The following ROR1 variants were observed in gnomAD, a reference collection of about 807,000 sequenced individuals.
ROR1 encodes ROR family WNT receptor 1, also known as inactive tyrosine-protein kinase transmembrane receptor ROR1.
Under a neutral mutation model 78.8 loss-of-function variants are expected in ROR1, and 19 were observed. The ratio of observed to expected loss-of-function variants is 0.24; its 90% CI spans 0.17 to 0.35. The LOEUF (loss-of-function observed/expected upper bound fraction) is 0.35, where lower values mean the gene tolerates loss of function less well. Ranked by LOEUF, ROR1 falls within the 10% of genes least tolerant of loss-of-function variation. The probability of loss-of-function intolerance (pLI) is 1.00; values close to 1 mark genes in which losing one functional copy is unlikely to be tolerated. For missense variants in ROR1, 917 were observed against 1,177.8 expected (o/e 0.78, Z 3.24); for synonymous variants, 386 against 433.6 (o/e 0.89, Z 1.36).
chr1:64,148,698 T>C (rs1359608285), intron 7 of ROR1, among the ~76,000 whole-genome samples: 1 of 152,188 alleles, frequency 6.6e-6, no homozygotes, highest in South Asian at 2.1e-4. Context: ...GAGCAGAATA[T>C]AAAATTAAGT....
intron 2 of ROR1, among the ~76,000 whole-genome samples, chr1:64,014,006 A>G (rs1195514679): frequency 2.0e-5 from 3 of 152,236 alleles, no homozygotes; most frequent in African/African-American, 7.2e-5. Context: ...AATAGAACAG[A>G]TAGGCAACAG....
intron 1 of ROR1, among the ~76,000 whole-genome samples, chr1:63,993,552 A>G (rs1397148031): frequency 6.6e-6 from 1 of 152,188 alleles, no homozygotes; most frequent in Non-Finnish European, 1.5e-5. Flanking sequence ...TACATTCCAT[A>G]TGTATCTGTG....
intron 1 of ROR1, among the ~76,000 whole-genome samples, chr1:63,871,270 G>A (rs1362978230): frequency 2.0e-5 from 3 of 152,174 alleles, no homozygotes; most frequent in Non-Finnish European, 4.4e-5. Context: ...GACAGATGGA[G>A]TCTTTGAAAC....
chr1:64,015,193 C>T (rs975018992), intron 2 of ROR1, among the ~76,000 whole-genome samples: 2 of 152,044 alleles, frequency 1.3e-5, no homozygotes, highest in African/African-American at 4.8e-5. Flanking sequence ...AGACCTGCCC[C>T]CATAGTTCAA....
chr1:64,155,495 G>A (rs1649744925), intron 7 of ROR1, among the ~76,000 whole-genome samples: 1 of 152,142 alleles, frequency 6.6e-6, no homozygotes, highest in Non-Finnish European at 1.5e-5. Context: ...GTGCTTGTTA[G>A]CATATCCTCA....
intron 1 of ROR1, among the ~76,000 whole-genome samples, chr1:63,778,537 G>C (rs1048544946): frequency 1.3e-5 from 2 of 152,166 alleles, no homozygotes; most frequent in Admixed American, 6.5e-5. Context: ...GCTGTTAATT[G>C]GGCCTGAGAG....
chr1:63,907,297 G>A (rs557121659), intron 1 of ROR1, among the ~76,000 whole-genome samples: 8 of 152,238 alleles, frequency 5.3e-5, no homozygotes, highest in South Asian at 4.2e-4. Flanking sequence ...GGGCTTGGGC[G>A]GCCGGCTGGT....
chr1:63,898,968 GT>G (rs1196702280), intron 1 of ROR1, among the ~76,000 whole-genome samples: 2 of 152,074 alleles, frequency 1.3e-5, no homozygotes, highest in Non-Finnish European at 2.9e-5. Flanking sequence ...CTCCTGGAAA[GT>G]TTGTGCTTCT....
rs146767967 is a variant in ROR1 at position 63,805,203 on chromosome 1, T to C, written c.91+30695T>C. The stretch of plus-strand genomic sequence containing the variant: ...TTGCCACCCACCTGCAGACACACAA[T>C]AGGATAAAAGCAGCACCTGATCAGG... On this transcript the variant is annotated intron_variant, in intron 1 of 8. Transcript: ENST00000371079. 4.4e-3 allele frequency among the ~76,000 whole-genome samples: 667 copies of C among 151,946 alleles called. 1 individual carries two copies. The highest frequency in any genetic ancestry group is 6.0e-3 in the Non-Finnish European group (406 of 67,974).
At chr1:63,805,769 A>G (rs1644824792) in intron 1 of ROR1, among the ~76,000 whole-genome samples, 1 of 152,208 alleles carries the variant, frequency 6.6e-6, no homozygotes, top group Non-Finnish European at 1.5e-5. Context: ...AAGCCCAGCC[A>G]CTTTGGAAGG....
chr1:63,915,674 A>G (rs1645603350), intron 1 of ROR1, among the ~76,000 whole-genome samples: 3 of 152,158 alleles, frequency 2.0e-5, no homozygotes, highest in South Asian at 2.1e-4. Flanking sequence ...AGGGATAGCT[A>G]TGCTTATACA....
rs1330322125 is a variant in ROR1 at position 64,159,135 on chromosome 1, A to G, written c.1329A>G (p.Pro443=). The change falls in exon 8 of 9, where the codon CCA becomes CCG. Residue 443 remains proline, a synonymous_variant. Transcript: ENST00000371079. ...KSSSAPVQRQ[P]KHVRGQNVEM... ...CGTCGGCACCAGTCCAGAGGCAACC[A>G]AAACACGTCAGAGGTCAAAATGTAG... The G allele has an allele frequency of 1.9e-6, 3 of 1,614,156 alleles. No homozygotes were observed. The Admixed American group carries it at 5.0e-5, about 27-fold the overall frequency.
chr1:64,092,660 C>G (rs1442873262), intron 4 of ROR1, among the ~76,000 whole-genome samples: 1 of 152,112 alleles, frequency 6.6e-6, no homozygotes, highest in African/African-American at 2.4e-5. Flanking sequence ...GCTAGAAAAC[C>G]TACTCCAAAA....
chr1:64,075,446 T>C (rs1159650776), intron 4 of ROR1, among the ~76,000 whole-genome samples: 2 of 152,182 alleles, frequency 1.3e-5, no homozygotes, highest in South Asian at 2.1e-4. Flanking sequence ...AGCTTCTTCA[T>C]AGGGGTTTTT....
At chr1:64,030,864 G>A (rs1646654532) in intron 2 of ROR1, among the ~76,000 whole-genome samples, 1 of 151,724 alleles carries the variant, frequency 6.6e-6, no homozygotes. Flanking sequence ...GTGAATTAGG[G>A]GTGTGTGTGT....
intron 1 of ROR1, among the ~76,000 whole-genome samples, chr1:63,805,278 C>G (rs575871776): frequency 2.2e-4 from 34 of 152,264 alleles, no homozygotes; most frequent in African/African-American, 8.2e-4. Context: ...GTGGGTGTAG[C>G]CCGGAGTTGG....
At chr1:63,953,336 A>T (rs534756962) in intron 1 of ROR1, among the ~76,000 whole-genome samples, 1 of 152,194 alleles carries the variant, frequency 6.6e-6, no homozygotes, top group Non-Finnish European at 1.5e-5. Flanking sequence ...TGCCCACTGG[A>T]TGCCAAAAAC....
intron 1 of ROR1, among the ~76,000 whole-genome samples, chr1:63,841,243 T>A (rs1405284689): frequency 6.6e-6 from 1 of 152,230 alleles, no homozygotes; most frequent in East Asian, 1.9e-4. Context: ...GTCATAAAAT[T>A]GCTAAATGTG....
chr1:64,121,590 A>T (rs951803501), intron 4 of ROR1, among the ~76,000 whole-genome samples: 1 of 150,932 alleles, frequency 6.6e-6, no homozygotes, highest in African/African-American at 2.4e-5. Context: ...GGCGGGGAAG[A>T]GTATTTTAAA....
Sources: allele counts gnomAD v4.1 joint callset (sites outside exome capture counted in the v4.1 genomes callset), GRCh38; gene constraint gnomAD v4.1.1; transcripts MANE v1.5; gene names NCBI Gene and HGNC (gene_info 2026-07-23, HGNC 2026-07-21).